TOP1MT: variants seen among roughly 807,000 people sequenced by gnomAD.
The protein encoded by TOP1MT is DNA topoisomerase I, mitochondrial.
TOP1MT carries 80 observed loss-of-function variants against 73.9 expected under a neutral mutation model. The ratio of observed to expected loss-of-function variants is 1.08; its 90% CI spans 0.90 to 1.30. The LOEUF is 1.30. Among genes scored for constraint, TOP1MT ranks in the 50% most tolerant of loss-of-function variants. TOP1MT has a pLI of 0.00. For synonymous variants in TOP1MT, 338 were observed against 326.4 expected (o/e 1.04, Z -0.38); for missense variants, 815 against 808.0 (o/e 1.01, Z -0.10).
chr8:143,317,655 CG>C, intron 10 of TOP1MT, 67 bp downstream of exon 10: 1 of 1,426,048 alleles, frequency 7.0e-7, no homozygotes, highest in Non-Finnish European at 9.7e-7. Context: ...AAGGGCCAGC[CG>C]GGGAGCCCGG....
chr8:143,323,379 T>C (rs1321097177), intron 7 of TOP1MT, among the ~76,000 whole-genome samples: 17 of 54,898 alleles, frequency 3.1e-4, no homozygotes, highest in African/African-American at 9.1e-4. Flanking sequence ...GCCACACAGA[T>C]GCATGCCACA....
Position 143,351,306 on chromosome 8 carries a change from C to T in TOP1MT, c.-39+4659G>A, listed in dbSNP as rs112279654. ...ACATTTTCTTGGCCAGGTGCGGTGGCTCAGGCCTGTAATCCCAGCACTTTG... is the reference window on the plus strand; with the variant it reads ...ACATTTTCTTGGCCAGGTGCGGTGGTTCAGGCCTGTAATCCCAGCACTTTG... On this transcript the variant is annotated intron_variant, in intron 1 of 5. Transcript: ENST00000518760. Among the ~76,000 whole-genome samples, 304 of 152,342 alleles carry T rather than the reference C, an allele frequency of 2.0e-3. 1 individual carries two copies. The highest frequency in any genetic ancestry group is 7.0e-3 in the African/African-American group (292 of 41,580).
intron 8 of TOP1MT, among the ~76,000 whole-genome samples, chr8:143,320,904 C>T (rs1320119146): frequency 6.6e-6 from 1 of 152,222 alleles, no homozygotes; most frequent in Admixed American, 6.5e-5. Context: ...ACTGGGTCTG[C>T]AGTGCCTTCC....
At chr8:143,323,054 A>ACACACAGGCACAC in intron 7 of TOP1MT, among the ~76,000 whole-genome samples, 1 of 116,334 alleles carries the variant, frequency 8.6e-6, no homozygotes, top group Non-Finnish European at 1.7e-5. Flanking sequence ...CAGGCACGCC[A>ACACACAGGCACAC]CACACAGGCA....
At chr8:143,320,916 C>T (rs1247124569) in intron 8 of TOP1MT, among the ~76,000 whole-genome samples, 2 of 152,230 alleles carry the variant, frequency 1.3e-5, no homozygotes, top group Non-Finnish European at 2.9e-5. Flanking sequence ...GTGCCTTCCT[C>T]CAGCAGCCCT....
At chr8:143,329,545 C>T (rs1816796803) in intron 2 of TOP1MT, 74 bp from the exon 3 acceptor site, 1 of 1,545,784 alleles carries the variant, frequency 6.5e-7, no homozygotes, top group Non-Finnish European at 8.7e-7. Context: ...GACCTCATTG[C>T]TTTAAACTAC....
At chr8:143,323,028 A>G (rs1423181676) in intron 7 of TOP1MT, among the ~76,000 whole-genome samples, 1 of 78,228 alleles carries the variant, frequency 1.3e-5, no homozygotes, top group African/African-American at 4.7e-5. Flanking sequence ...ATGCACACAC[A>G]CACATGCACG....
At chr8:143,324,432 G>T (rs567298741) in intron 6 of TOP1MT, 53 bp downstream of exon 6, 1 of 1,610,684 alleles carries the variant, frequency 6.2e-7, no homozygotes, top group East Asian at 2.2e-5. Flanking sequence ...CCCTGCCGGC[G>T]TCCTCAGGGG....
intron 7 of TOP1MT, among the ~76,000 whole-genome samples, chr8:143,322,959 C>CAT (rs1563760544): frequency 8.3e-6 from 1 of 119,902 alleles, no homozygotes. Flanking sequence ...ACGCCACACA[C>CAT]GCACGCCACA....
Position 143,325,332 on chromosome 8 carries a change from G to T in TOP1MT, c.671+14C>A. 6.3e-7 allele frequency: 1 copy of T among 1,576,294 alleles called. No homozygotes were observed. Among genetic ancestry groups the T allele is most frequent in the Non-Finnish European group, 8.7e-7 (1 of 1,155,414 alleles). On this transcript the variant is annotated intron_variant, in intron 5 of 13. Transcript: ENST00000329245. ...GGGGTCCAGTGCCCGCCTGCTGCCCGCCCGGCCACGCACCTGCTGCAGTTG... is the reference window on the plus strand; with the variant it reads ...GGGGTCCAGTGCCCGCCTGCTGCCCTCCCGGCCACGCACCTGCTGCAGTTG...
At chr8:143,313,720 T>A (rs1202667031) in intron 12 of TOP1MT, among the ~76,000 whole-genome samples, 1 of 151,330 alleles carries the variant, frequency 6.6e-6, no homozygotes, top group Non-Finnish European at 1.5e-5. Context: ...CCGGGCATGG[T>A]GGCGGGTGCC....
intron 5 of TOP1MT, 55 bp downstream of exon 5, chr8:143,325,291 C>A (rs1816673888): frequency 1.9e-5 from 29 of 1,500,760 alleles, no homozygotes; most frequent in African/African-American, 2.8e-5. Context: ...GAAAAGCCAG[C>A]CTCACCCGGG....
chr8:143,321,984 C>CT (rs2130081969), intron 7 of TOP1MT, among the ~76,000 whole-genome samples: 2 of 62,630 alleles, frequency 3.2e-5, no homozygotes, highest in Non-Finnish European at 7.0e-5. Flanking sequence ...CACACGCACG[C>CT]CACACACATG....
upstream of TOP1MT, chr8:143,359,418 C>G: frequency 1.0e-6 from 1 of 985,370 alleles, no homozygotes; most frequent in Non-Finnish European, 1.2e-6. Context: ...GGGCAGAAGA[C>G]AGAGCGGAAT....
intron 8 of TOP1MT, among the ~76,000 whole-genome samples, chr8:143,320,675 C>G (rs924278591): frequency 6.6e-6 from 1 of 152,140 alleles, no homozygotes; most frequent in Non-Finnish European, 1.5e-5. Flanking sequence ...TGTGAGAACA[C>G]GCAGAGGCAG....
chr8:143,314,043 G>A (rs1253365074), intron 12 of TOP1MT, among the ~76,000 whole-genome samples: 1 of 152,048 alleles, frequency 6.6e-6, no homozygotes, highest in Non-Finnish European at 1.5e-5. Context: ...ACGGCCAGAC[G>A]CTCCTTCACA....
intron 1 of TOP1MT, chr8:143,332,446 C>T (rs34268352): frequency 0.082 from 103,798 of 1,268,966 alleles, 4,585 homozygotes; most frequent in Non-Finnish European, 0.089. Flanking sequence ...TGAGCCTCCC[C>T]CAGACGCACA....
intron 4 of TOP1MT, among the ~76,000 whole-genome samples, chr8:143,325,807 G>A (rs941280699): frequency 2.0e-5 from 3 of 152,178 alleles, no homozygotes; most frequent in African/African-American, 7.2e-5. Context: ...AAAGCCAGGT[G>A]GAGGGAGCGT....
chr8:143,330,527 G>A (rs1387615566), intron 2 of TOP1MT, among the ~76,000 whole-genome samples: 1 of 152,248 alleles, frequency 6.6e-6, no homozygotes, highest in Non-Finnish European at 1.5e-5. Flanking sequence ...AAACTCAGGT[G>A]TGCATGTGAC....
Sources: gnomAD v4.1 joint callset for allele counts (sites outside exome capture counted in the v4.1 genomes callset) on GRCh38, gnomAD v4.1.1 for gene constraint, MANE v1.5 for transcripts, NCBI Gene and HGNC (gene_info 2026-07-23, HGNC 2026-07-21) for gene names.